The following PCDHGA11 variants were observed in gnomAD, a reference collection of about 807,000 sequenced individuals.
PCDHGA11 encodes the protein protocadherin gamma subfamily A, 11.
A neutral mutation model predicts 60.4 loss-of-function variants in PCDHGA11; 39 were observed. The observed-to-expected ratio is 0.65, with a 90% CI of 0.50 to 0.84. The LOEUF is 0.84. PCDHGA11 is among the 40% of genes least tolerant of loss of function. The pLI, the probability that PCDHGA11 is intolerant of heterozygous loss-of-function variation, is 0.00. For missense variants in PCDHGA11, 1,165 were observed against 1,197.7 expected, an observed-to-expected ratio of 0.97 and a Z score of 0.40; for synonymous variants, 533 against 510.3, an observed-to-expected ratio of 1.04 and a Z score of -0.60.
At chr5:141,430,661 G>A in intron 1 of PCDHGA11, 1 of 1,159,744 alleles carries the variant, frequency 8.6e-7, no homozygotes, top group South Asian at 2.1e-5. Context: ...CAACGGAGGA[G>A]CTCTGACTTC....
rs768907590 is a variant in PCDHGA11, at chr5:141,422,045, G to C, written c.818G>C (p.Gly273Ala). ...LMVNATDPDE[G>A]INGEVMYSFR... Reference sequence around the variant, plus strand: ...GTTAATGCAACGGATCCAGACGAGGGAATCAACGGGGAAGTAATGTATTCA... The same window carrying C: ...GTTAATGCAACGGATCCAGACGAGGCAATCAACGGGGAAGTAATGTATTCA... The change falls in exon 1 of 4, where the codon GGA becomes GCA. Residue 273 changes from glycine (G) to alanine (A), a missense_variant. Gly to Ala is a moderately conservative substitution (Grantham distance 60, BLOSUM62 0). Transcript: ENST00000398587. 1.5e-5 allele frequency: 24 copies of C among 1,611,434 alleles called. No individual in the cohort carries two copies. The Admixed American group carries it at 3.9e-4, about 26-fold the overall frequency.
intron 1 of PCDHGA11, chr5:141,478,693 G>A: frequency 6.4e-7 from 1 of 1,550,764 alleles, no homozygotes; most frequent in Non-Finnish European, 8.7e-7. Context: ...CTAGATCAAA[G>A]TTAGTGCCTT....
intron 1 of PCDHGA11, among the ~76,000 whole-genome samples, chr5:141,446,777 CT>C (rs1480571336): frequency 6.6e-6 from 1 of 152,072 alleles, no homozygotes; most frequent in South Asian, 2.1e-4. Context: ...GGTTACCATT[CT>C]TTTACTCTGA....
Position 141,421,105 on chromosome 5 carries a change from G to A in PCDHGA11, c.-123G>A. 1.4e-6 allele frequency: 1 copy of A among 700,910 alleles called. No individual in the cohort carries two copies. The highest frequency in any genetic ancestry group is 2.3e-6 in the Non-Finnish European group (1 of 432,248). The allele number at this position is 700,910 out of a possible 1,614,324, so 43.4% of individuals were successfully genotyped here. A position where few individuals can be genotyped will look rare whatever the true frequency, so the allele number is the denominator to read the frequency against. ...CACAGATCCTGACACTGGAGACTTAGAAGTATTTTCCTTCGCTTTCTGATA... is the reference window on the plus strand; with the variant it reads ...CACAGATCCTGACACTGGAGACTTAAAAGTATTTTCCTTCGCTTTCTGATA... On this transcript the variant is annotated 5_prime_UTR_variant, in exon 1 of 4. Coordinates refer to ENST00000398587, the MANE Select transcript of PCDHGA11 (RefSeq NM_018914.3).
At chr5:141,503,099 C>T (rs1286557930) in intron 2 of PCDHGA11, among the ~76,000 whole-genome samples, 1 of 151,884 alleles carries the variant, frequency 6.6e-6, no homozygotes, top group Non-Finnish European at 1.5e-5. Context: ...GTGGTCTGCC[C>T]GCCCCTGCCT....
chr5:141,478,394 G>A, intron 1 of PCDHGA11: 1 of 1,613,586 alleles, frequency 6.2e-7, no homozygotes, highest in Non-Finnish European at 8.5e-7. Context: ...TTACCATCAG[G>A]TGTATCTCAC....
intron 1 of PCDHGA11, chr5:141,427,973 C>G (rs754410723): frequency 3.1e-6 from 5 of 1,593,936 alleles, no homozygotes; most frequent in Non-Finnish European, 3.4e-6. Flanking sequence ...TGCTGTACCC[C>G]GCGCTGGGGC....
intron 1 of PCDHGA11, among the ~76,000 whole-genome samples, chr5:141,458,758 G>T (rs1473104567): frequency 1.3e-5 from 2 of 150,844 alleles, no homozygotes; most frequent in Non-Finnish European, 3.0e-5. Context: ...TTTGAGACAG[G>T]GTCTTGCTGT....
intron 2 of PCDHGA11, among the ~76,000 whole-genome samples, chr5:141,501,365 A>G (rs1360125423): frequency 1.3e-5 from 2 of 151,500 alleles, no homozygotes; most frequent in Admixed American, 6.6e-5. Flanking sequence ...AACCATATTC[A>G]TCATCTCTTA....
At chr5:141,448,200 T>C (rs2098574351) in intron 1 of PCDHGA11, among the ~76,000 whole-genome samples, 1 of 152,156 alleles carries the variant, frequency 6.6e-6, no homozygotes, top group Non-Finnish European at 1.5e-5. Context: ...CTTACAAACA[T>C]TTTCTGTGTG....
At chr5:141,466,036 G>A (rs981390655) in intron 1 of PCDHGA11, among the ~76,000 whole-genome samples, 17 of 152,064 alleles carry the variant, frequency 1.1e-4, no homozygotes, top group Non-Finnish European at 2.5e-4. Flanking sequence ...GCAGGAGAAC[G>A]GCATGAACCC....
chr5:141,494,173 G>C (rs554811420), intron 1 of PCDHGA11, among the ~76,000 whole-genome samples: 2 of 152,304 alleles, frequency 1.3e-5, no homozygotes, highest in South Asian at 2.1e-4. Flanking sequence ...CTAGGGGTGA[G>C]AAGTGTCCCG....
Position 141,490,896 on chromosome 5 carries a change from G to A in PCDHGA11, c.2434-3911G>A. 6.2e-7 allele frequency: 1 copy of A among 1,613,938 alleles called. No homozygotes were observed. Among genetic ancestry groups the A allele is most frequent in the Non-Finnish European group, 8.5e-7 (1 of 1,179,922 alleles). ...TGCATGCCAACACATCTCTGCATGTGTTTGTCCTAGACGAGAATGATAATG... is the reference window on the plus strand; with the variant it reads ...TGCATGCCAACACATCTCTGCATGTATTTGTCCTAGACGAGAATGATAATG... On this transcript the variant is annotated intron_variant, in intron 1 of 3. Coordinates refer to ENST00000398587, the MANE Select transcript of PCDHGA11 (RefSeq NM_018914.3). This position sits in a 1 kb window ranked among gnomAD's most constrained non-coding sequence, Gnocchi z 5.4.
chr5:141,422,069 C>A lies in PCDHGA11; in HGVS notation c.842C>A (p.Ser281Ter). Residue 281 changes from serine to a stop codon, truncating the protein, a stop_gained, in exon 1 of 4, where the codon TCA (serine) becomes TAA (stop). Coordinates refer to ENST00000398587, the MANE Select transcript of PCDHGA11 (RefSeq NM_018914.3). LOFTEE classifies it high-confidence loss of function. ...GGAATCAACGGGGAAGTAATGTATT[C>A]ATTTCGGAACATGGAAAGCAAGGCT... ...DEGINGEVMYSFRNMESKASE... is the reference protein window; with the variant it reads ...DEGINGEVMY 3 of 1,611,836 alleles carry A rather than the reference C, an allele frequency of 1.9e-6. No homozygotes were observed. Among genetic ancestry groups the A allele is most frequent in the Non-Finnish European group, 2.5e-6 (3 of 1,179,318 alleles).
intron 2 of PCDHGA11, among the ~76,000 whole-genome samples, chr5:141,502,048 ACTTTATTCC>A (rs1055762924): frequency 6.6e-5 from 10 of 151,746 alleles, no homozygotes; most frequent in African/African-American, 2.4e-4. Context: ...TGCTCTCCCT[ACTTTATTCC>A]CATTAGCCCC....
chr5:141,477,087 C>A lies in PCDHGA11; in HGVS notation c.2434-17720C>A, dbSNP rs748424193. 14 of 1,614,244 alleles carry A rather than the reference C, an allele frequency of 8.7e-6. No individual in the cohort carries two copies. Among genetic ancestry groups the A allele is most frequent in the Non-Finnish European group, 8.5e-7 (1 of 1,180,048 alleles). On this transcript the variant is annotated intron_variant, in intron 1 of 3. Transcript: ENST00000398587. This position sits in a 1 kb window ranked among gnomAD's most constrained non-coding sequence, Gnocchi z 4.9. ...AAACTCCATGAGATTTACATCCAGG[C>A]CAAAGACAAGGGCGCCAATCCCGAA...
chr5:141,447,123 TTTTG>T (rs1327676720), intron 1 of PCDHGA11, among the ~76,000 whole-genome samples: 7 of 152,278 alleles, frequency 4.6e-5, no homozygotes, highest in African/African-American at 1.4e-4. Context: ...CCATGGATTT[TTTTG>T]TTTGTTTGTT....
chr5:141,471,637 T>G (rs1284100810), intron 1 of PCDHGA11: 1 of 152,198 alleles, frequency 6.6e-6, no homozygotes, highest in Non-Finnish European at 1.5e-5. Context: ...TATGGATTAG[T>G]AATATACTGG....
intron 1 of PCDHGA11, among the ~76,000 whole-genome samples, chr5:141,474,193 A>C (rs2099345142): frequency 6.6e-6 from 1 of 152,256 alleles, no homozygotes. Context: ...TACATTTTTA[A>C]AAGCTGATTT....
Sources: gnomAD v4.1 joint callset for allele counts (sites outside exome capture counted in the v4.1 genomes callset) on GRCh38, gnomAD v4.1.1 for gene constraint, Gnocchi (gnomAD v3.1) non-coding constraint, MANE v1.5 for transcripts, NCBI Gene and HGNC (gene_info 2026-07-23, HGNC 2026-07-21) for gene names.